Variants in GALNTL6 observed in about 807,000 individuals in gnomAD.
The protein encoded by GALNTL6 is polypeptide N-acetylgalactosaminyltransferase like 6.
A neutral mutation model predicts 73.7 loss-of-function variants in GALNTL6; 46 were observed. The observed-to-expected ratio is 0.62, with a 90% CI of 0.49 to 0.80. The LOEUF (loss-of-function observed/expected upper bound fraction) is 0.80. Ranked by LOEUF, GALNTL6 falls within the 30% of genes least tolerant of loss-of-function variation. GALNTL6 has a pLI of 0.00. For missense variants in GALNTL6, 604 were observed against 755.0 expected (o/e 0.80, Z 2.34); for synonymous variants, 259 against 263.7 (o/e 0.98, Z 0.17).
intron 5 of GALNTL6, among the ~76,000 whole-genome samples, chr4:172,463,884 T>G (rs952820633): frequency 6.6e-6 from 1 of 152,212 alleles, no homozygotes; most frequent in Non-Finnish European, 1.5e-5. Context: ...TAGTATATAT[T>G]ATTAGTTTTC....
chr4:171,873,953 G>T (rs751794668), intron 2 of GALNTL6, among the ~76,000 whole-genome samples: 1 of 152,128 alleles, frequency 6.6e-6, no homozygotes, highest in Non-Finnish European at 1.5e-5. Context: ...ATTAACATAT[G>T]ATCAGGAAGT....
intron 5 of GALNTL6, among the ~76,000 whole-genome samples, chr4:172,553,219 A>G (rs1284856179): frequency 6.6e-6 from 1 of 152,184 alleles, no homozygotes; most frequent in African/African-American, 2.4e-5. Flanking sequence ...GTGAATTACC[A>G]GTTTCTTCCA....
chr4:171,934,523 C>T (rs1417297721), intron 2 of GALNTL6, among the ~76,000 whole-genome samples: 2 of 152,274 alleles, frequency 1.3e-5, no homozygotes, highest in East Asian at 3.9e-4. Flanking sequence ...ATGTGATTCT[C>T]TCACGTCAGC....
chr4:172,868,672 T>C (rs766116473), intron 7 of GALNTL6, among the ~76,000 whole-genome samples: 24 of 152,228 alleles, frequency 1.6e-4, no homozygotes, highest in Non-Finnish European at 2.9e-4. Context: ...TTAGGACCTG[T>C]CTCTGAAACT....
chr4:172,421,359 C>T (rs1410134595), intron 5 of GALNTL6, among the ~76,000 whole-genome samples: 3 of 151,806 alleles, frequency 2.0e-5, no homozygotes, highest in African/African-American at 7.3e-5. Context: ...TATTGGTGCT[C>T]AGTAATTGAT....
At chr4:171,819,684 C>A (rs1689772836) in intron 2 of GALNTL6, among the ~76,000 whole-genome samples, 1 of 151,998 alleles carries the variant, frequency 6.6e-6, no homozygotes, top group Admixed American at 6.6e-5. Flanking sequence ...TGAGGGACAT[C>A]AACAATAACA....
intron 2 of GALNTL6, among the ~76,000 whole-genome samples, chr4:172,033,880 G>T (rs1329621931): frequency 6.6e-6 from 1 of 152,052 alleles, no homozygotes; most frequent in Non-Finnish European, 1.5e-5. Context: ...AGCCTAATGA[G>T]CCATTTGGAG....
At chr4:172,619,049 T>C (rs1054572772) in intron 5 of GALNTL6, among the ~76,000 whole-genome samples, 3 of 152,166 alleles carry the variant, frequency 2.0e-5, no homozygotes, top group African/African-American at 7.2e-5. Flanking sequence ...AGTGGCCCAG[T>C]GTCTCCCTCT....
chr4:172,734,661 A>T (rs1223803867), intron 5 of GALNTL6, among the ~76,000 whole-genome samples: 1 of 152,068 alleles, frequency 6.6e-6, no homozygotes, highest in Non-Finnish European at 1.5e-5. Flanking sequence ...GGTTGCTTTC[A>T]TGGGCTGGTG....
At chr4:172,587,726 G>C (rs763450178) in intron 5 of GALNTL6, among the ~76,000 whole-genome samples, 3 of 152,112 alleles carry the variant, frequency 2.0e-5, no homozygotes, top group Non-Finnish European at 2.9e-5. Context: ...CCTCCTCCCA[G>C]AAGCTTTTTG....
intron 4 of GALNTL6, among the ~76,000 whole-genome samples, chr4:172,340,887 G>A (rs553433722): frequency 2.6e-5 from 4 of 152,278 alleles, no homozygotes; most frequent in East Asian, 3.9e-4. Flanking sequence ...ACTGATCAGC[G>A]CTTAGCTGAA....
intron 2 of GALNTL6, among the ~76,000 whole-genome samples, chr4:172,065,163 T>C (rs1731321421): frequency 8.8e-6 from 1 of 113,734 alleles, no homozygotes; most frequent in Non-Finnish European, 2.0e-5. Flanking sequence ...TTGATAGGGT[T>C]GGGGGTTAGG....
chr4:173,033,579 G>A (rs535392293), intron 12 of GALNTL6, among the ~76,000 whole-genome samples: 60 of 152,214 alleles, frequency 3.9e-4, no homozygotes, highest in African/African-American at 1.4e-3. Flanking sequence ...ACAACCCTAA[G>A]AGGTGGGAAA....
intron 3 of GALNTL6, among the ~76,000 whole-genome samples, chr4:172,297,736 G>A (rs1165114240): frequency 6.6e-6 from 1 of 152,188 alleles, no homozygotes; most frequent in Non-Finnish European, 1.5e-5. Context: ...CCAGTACCAT[G>A]ATGTTTTGGT....
intron 5 of GALNTL6, among the ~76,000 whole-genome samples, chr4:172,590,431 AT>A (rs1385649193): frequency 2.6e-4 from 39 of 152,298 alleles, no homozygotes; most frequent in African/African-American, 9.1e-4. Flanking sequence ...GCCATCTCAG[AT>A]ATACCCAAAC....
intron 2 of GALNTL6, among the ~76,000 whole-genome samples, chr4:171,928,399 G>A (rs1738060153): frequency 6.6e-6 from 1 of 152,198 alleles, no homozygotes; most frequent in Admixed American, 6.5e-5. Context: ...TGTCACTCCA[G>A]TGCCTGGAGG....
intron 2 of GALNTL6, among the ~76,000 whole-genome samples, chr4:172,143,026 T>C (rs1426041991): frequency 2.0e-5 from 3 of 151,998 alleles, no homozygotes; most frequent in Admixed American, 6.6e-5. Flanking sequence ...GACAGATAGA[T>C]AGATAATGTC....
At chr4:173,005,041 T>C (rs1752211613) in intron 10 of GALNTL6, among the ~76,000 whole-genome samples, 1 of 152,128 alleles carries the variant, frequency 6.6e-6, no homozygotes, top group Non-Finnish European at 1.5e-5. Context: ...TCCTTGACAT[T>C]TATGCCACAT....
intron 4 of GALNTL6, among the ~76,000 whole-genome samples, chr4:172,348,207 A>G (rs1741819970): frequency 6.6e-6 from 1 of 152,216 alleles, no homozygotes; most frequent in South Asian, 2.1e-4. Flanking sequence ...AATGCATATT[A>G]CTCATCCTTA....
Sources: gnomAD v4.1 joint callset for allele counts (sites outside exome capture counted in the v4.1 genomes callset) on GRCh38, gnomAD v4.1.1 for gene constraint, MANE v1.5 for transcripts, NCBI Gene and HGNC (gene_info 2026-07-23, HGNC 2026-07-21) for gene names.